Variants in GABRG3 observed in about 807,000 individuals in gnomAD.
GABRG3 encodes the protein gamma-aminobutyric acid type A receptor subunit gamma3.
A neutral mutation model predicts 48.8 loss-of-function variants in GABRG3; 25 were observed. The observed-to-expected ratio is 0.51, with a 90% CI of 0.37 to 0.72. The LOEUF is 0.72. Ranked by LOEUF, GABRG3 falls within the 30% of genes least tolerant of loss-of-function variation. The probability of loss-of-function intolerance (pLI) is 0.00; values close to 1 mark genes in which losing one functional copy is unlikely to be tolerated. For missense variants in GABRG3, 394 were observed against 577.9 expected (o/e 0.68, Z 3.26); for synonymous variants, 227 against 217.6 (o/e 1.04, Z -0.38).
chr15:27,124,015 C>T (rs1429370733), intron 3 of GABRG3, among the ~76,000 whole-genome samples: 1 of 152,142 alleles, frequency 6.6e-6, no homozygotes, highest in Non-Finnish European at 1.5e-5. Flanking sequence ...GAAGCCTACG[C>T]TTTAGTGGGC....
rs1898077337 is a variant in GABRG3 at position 27,140,142 on chromosome 15, G to C, written c.270+113321G>C. ...AAAGGTAAGTTTCACTGAGTTCTGT[G>C]AGATGTTCTAGCACATTAACCAAAC... is the stretch of plus-strand genomic sequence containing the variant. On this transcript the variant is annotated intron_variant, in intron 3 of 9. Coordinates refer to ENST00000615808, the MANE Select transcript of GABRG3 (RefSeq NM_033223.5). Among the ~76,000 whole-genome samples the C allele has an allele frequency of 2.0e-5, 3 of 152,292 alleles. No individual in the cohort carries two copies. The South Asian group carries it at 6.2e-4, about 32-fold the overall frequency.
intron 3 of GABRG3, among the ~76,000 whole-genome samples, chr15:27,115,731 T>C (rs1456732911): frequency 6.6e-6 from 1 of 152,182 alleles, no homozygotes; most frequent in Non-Finnish European, 1.5e-5. Flanking sequence ...TAAATCAACA[T>C]TTATTTTCAT....
At chr15:27,384,595 C>T (rs1035950639) in intron 5 of GABRG3, among the ~76,000 whole-genome samples, 68 of 152,144 alleles carry the variant, frequency 4.5e-4, no homozygotes, top group African/African-American at 1.5e-3. Context: ...ATTAGAGAAT[C>T]ATGAAATTGC....
At chr15:27,081,638 G>A (rs1896994292) in intron 3 of GABRG3, among the ~76,000 whole-genome samples, 2 of 152,134 alleles carry the variant, frequency 1.3e-5, no homozygotes, top group Non-Finnish European at 2.9e-5. Context: ...TTACTCCATG[G>A]GCCAGGAGGG....
At chr15:27,259,115 C>T (rs2140465209) in intron 3 of GABRG3, among the ~76,000 whole-genome samples, 1 of 152,302 alleles carries the variant, frequency 6.6e-6, no homozygotes, top group Non-Finnish European at 1.5e-5. Flanking sequence ...CATGTATACA[C>T]CACATTTTCT....
intron 3 of GABRG3, among the ~76,000 whole-genome samples, chr15:27,322,494 A>T (rs903553213): frequency 3.3e-5 from 5 of 152,314 alleles, no homozygotes; most frequent in African/African-American, 1.2e-4. Context: ...CCATCCCATC[A>T]TGTTCTTCTT....
chr15:27,049,367 A>G (rs1188913170), intron 3 of GABRG3, among the ~76,000 whole-genome samples: 1 of 152,184 alleles, frequency 6.6e-6, no homozygotes, highest in African/African-American at 2.4e-5. Context: ...TTAGAATTTC[A>G]CTATCTTCCT....
At chr15:27,398,421 G>A (rs1887379701) in intron 5 of GABRG3, among the ~76,000 whole-genome samples, 1 of 152,048 alleles carries the variant, frequency 6.6e-6, no homozygotes, top group Admixed American at 6.5e-5. Flanking sequence ...AATATTTATT[G>A]GGAAATCACA....
At chr15:26,972,796 C>T (rs6606905) in intron 1 of GABRG3, among the ~76,000 whole-genome samples, 137,018 of 152,184 alleles carry the variant, frequency 0.9, 61,913 homozygotes, top group African/African-American at 0.96. Context: ...GGTGCTTACC[C>T]TGAGGAAGGA....
intron 3 of GABRG3, among the ~76,000 whole-genome samples, chr15:27,292,769 CG>C (rs1413431140): frequency 6.6e-6 from 1 of 152,032 alleles, no homozygotes; most frequent in Non-Finnish European, 1.5e-5. Context: ...GCAACTTTTC[CG>C]AAGTTGTTAC....
In GABRG3 at chr15:27,536,840, G is replaced by A. The variant is rs1463685437; in HGVS notation, c.*3959G>A. 3 of 152,164 alleles carry A rather than the reference G, an allele frequency of 2.0e-5. No homozygotes were observed. Among genetic ancestry groups the A allele is most frequent in the African/African-American group, 7.2e-5 (3 of 41,434 alleles). The allele number at this position is 152,164 out of a possible 1,614,324, so 9.4% of individuals were successfully genotyped here. A position where few individuals can be genotyped will look rare whatever the true frequency, so the allele number is the denominator to read the frequency against. On this transcript the variant is annotated 3_prime_UTR_variant, in exon 10 of 10. Coordinates refer to ENST00000615808, the MANE Select transcript of GABRG3 (RefSeq NM_033223.5). ...GACTCCAGCTCCCTATGACTAGGAAGCAATGAGCCACTCTATCTAAAGGGC... is the reference window on the plus strand; with the variant it reads ...GACTCCAGCTCCCTATGACTAGGAAACAATGAGCCACTCTATCTAAAGGGC...
intron 6 of GABRG3, among the ~76,000 whole-genome samples, chr15:27,501,143 G>A (rs1436759702): frequency 6.6e-6 from 1 of 152,002 alleles, no homozygotes; most frequent in Non-Finnish European, 1.5e-5. Context: ...AGTAGAGACA[G>A]GGTTTCACCG....
rs995740567 is a variant in GABRG3 at position 27,447,461 on chromosome 15, G to A, written c.575-33189G>A. On this transcript the variant is annotated intron_variant, in intron 5 of 9. Transcript: ENST00000615808. This position sits in a 1 kb window ranked among gnomAD's most constrained non-coding sequence, Gnocchi z 4.0. ...TTCTTAAGGTGAATAAACCTGAAGT[G>A]TCCAAGTGGGGGAGATGCCATAATT... 5.9e-5 allele frequency among the ~76,000 whole-genome samples: 9 copies of A among 152,156 alleles called. No individual in the cohort carries two copies. The highest frequency in any genetic ancestry group is 1.0e-4 in the Non-Finnish European group (7 of 68,020).
intron 3 of GABRG3, among the ~76,000 whole-genome samples, chr15:27,097,889 A>G (rs1187691631): frequency 1.3e-5 from 2 of 152,042 alleles, no homozygotes; most frequent in African/African-American, 4.8e-5. Context: ...TGATAATATT[A>G]CAAGCCTGCT....
chr15:27,216,318 G>A (rs1317424182), intron 3 of GABRG3, among the ~76,000 whole-genome samples: 1 of 152,180 alleles, frequency 6.6e-6, no homozygotes, highest in African/African-American at 2.4e-5. Flanking sequence ...TAAAAGGGAG[G>A]ATCTGCCACA....
At chr15:27,141,696 TA>T (rs1328319945) in intron 3 of GABRG3, among the ~76,000 whole-genome samples, 2 of 152,192 alleles carry the variant, frequency 1.3e-5, no homozygotes, top group Non-Finnish European at 1.5e-5. Flanking sequence ...AAGTATTTAA[TA>T]AAAAATATGT....
At chr15:27,027,425 A>G (rs1683162388) in intron 3 of GABRG3, among the ~76,000 whole-genome samples, 1 of 152,112 alleles carries the variant, frequency 6.6e-6, no homozygotes, top group Non-Finnish European at 1.5e-5. Flanking sequence ...CATTGTCAGG[A>G]GCTCCCCCCG....
At chr15:27,144,898 C>A (rs1378146291) in intron 3 of GABRG3, among the ~76,000 whole-genome samples, 2 of 152,176 alleles carry the variant, frequency 1.3e-5, no homozygotes, top group African/African-American at 4.8e-5. Context: ...TTCTGCCCAA[C>A]CACTAACTTA....
chr15:27,003,202 TA>T (rs1222439471), intron 2 of GABRG3, among the ~76,000 whole-genome samples: 2 of 30,538 alleles, frequency 6.5e-5, no homozygotes, highest in South Asian at 2.4e-3. Context: ...TTTTATTTTA[TA>T]TTTATTTATT....
Sources: gnomAD v4.1 joint callset for allele counts (sites outside exome capture counted in the v4.1 genomes callset) on GRCh38, gnomAD v4.1.1 for gene constraint, Gnocchi (gnomAD v3.1) non-coding constraint, MANE v1.5 for transcripts, NCBI Gene and HGNC (gene_info 2026-07-23, HGNC 2026-07-21) for gene names.